The following MGAT5B variants were observed in gnomAD, a reference collection of about 807,000 sequenced individuals.
The protein encoded by MGAT5B is alpha-1,6-mannosylglycoprotein 6-beta-N-acetylglucosaminyltransferase B.
A neutral mutation model predicts 95.1 loss-of-function variants in MGAT5B; 54 were observed. The observed-to-expected ratio is 0.57, with a 90% CI of 0.46 to 0.71. The LOEUF is 0.71. MGAT5B is among the 30% of genes least tolerant of loss of function. MGAT5B has a pLI of 0.00. For missense variants in MGAT5B, 935 were observed against 1,088.6 expected (o/e 0.86, Z 1.99); for synonymous variants, 464 against 451.0 (o/e 1.03, Z -0.36).
chr17:76,934,168 G>A (rs947452892), intron 12 of MGAT5B, among the ~76,000 whole-genome samples: 4 of 152,168 alleles, frequency 2.6e-5, no homozygotes, highest in Non-Finnish European at 4.4e-5. Flanking sequence ...CACCCAAGAC[G>A]CTACTGTTCA....
intron 3 of MGAT5B, among the ~76,000 whole-genome samples, chr17:76,897,489 C>T (rs1385783037): frequency 6.6e-6 from 1 of 152,130 alleles, no homozygotes; most frequent in African/African-American, 2.4e-5. Flanking sequence ...CTTCGTCCCA[C>T]AGATGCATCA....
rs768887782 is a variant in MGAT5B at position 76,932,651 on chromosome 17, C to T, written c.1298C>T (p.Thr433Ile). 2 of 1,613,612 alleles carry T rather than the reference C, an allele frequency of 1.2e-6. No individual in the cohort carries two copies. Among genetic ancestry groups the T allele is most frequent in the Non-Finnish European group, 1.7e-6 (2 of 1,179,668 alleles). The change falls in exon 11 of 18, where the codon ACC becomes ATC. Residue 433 changes from threonine to isoleucine, a missense_variant. Around this residue, in one of 4 missense-constraint regions of MGAT5B, gnomAD observed 440 missense variants for 523.6 expected, o/e 0.84. Coordinates refer to ENST00000569840, the MANE Select transcript of MGAT5B (RefSeq NM_001199172.2). Reference sequence around the variant, plus strand: ...CTGCGTGCTCGGGCTGCAGCTCATACCCCCGACAACTCCTTCATGGGCTTC... The same window carrying T: ...CTGCGTGCTCGGGCTGCAGCTCATATCCCCGACAACTCCTTCATGGGCTTC... Reference protein sequence around the residue: ...PKQFMTMFPHTPDNSFMGFVS... With the variant: ...PKQFMTMFPHIPDNSFMGFVS...
intron 8 of MGAT5B, among the ~76,000 whole-genome samples, chr17:76,913,189 A>G (rs766952154): frequency 4.7e-4 from 72 of 152,272 alleles, no homozygotes; most frequent in Middle Eastern, 3.4e-3. Context: ...CAGGTGCCCA[A>G]AGGAAAGGCT....
chr17:76,882,026 G>T, intron 2 of MGAT5B, 125 bp from the exon 3 acceptor site: 15 of 928,336 alleles, frequency 1.6e-5, no homozygotes, highest in Non-Finnish European at 1.6e-5. Context: ...CTGAGGCTGG[G>T]GTCTGGTGTT....
At position 76,905,095 on chromosome 17, in the gene MGAT5B, C is replaced by G. The variant is rs508628; in HGVS notation, c.691-74C>G. The G allele has an allele frequency of 0.096, 142,245 of 1,484,524 alleles. 8,519 individuals are homozygous for G. The highest frequency in any genetic ancestry group is 0.25 in the Admixed American group (11,772 of 46,588). 92.0% of individuals were successfully genotyped at this position (1,484,524 alleles called of 1,614,324 possible). A position where few individuals can be genotyped will look rare whatever the true frequency, so the allele number is the denominator to read the frequency against. ...CAGCCTCATGGGAGGGTGCCAGCCC[C>G]TGTCCCCAGGCCAGCGGGGAATGAT... On this transcript the variant is annotated intron_variant, in intron 6 of 17. Coordinates refer to ENST00000569840, the MANE Select transcript of MGAT5B (RefSeq NM_001199172.2). This position sits in a 1 kb window ranked among gnomAD's most constrained non-coding sequence, Gnocchi z 4.2.
At chr17:76,887,463 C>G (rs1327230110) in intron 3 of MGAT5B, among the ~76,000 whole-genome samples, 1 of 117,276 alleles carries the variant, frequency 8.5e-6, no homozygotes, top group Admixed American at 8.3e-5. Context: ...TCCTCCCTCC[C>G]TCCCTCCCTT....
chr17:76,872,643 C>A (rs1354800682), intron 1 of MGAT5B: 6 of 1,461,580 alleles, frequency 4.1e-6, no homozygotes, highest in African/African-American at 2.8e-5. Flanking sequence ...TCGTGTGGCT[C>A]GAGGCCAGCA....
rs1039573911 is a variant in MGAT5B at position 76,917,975 on chromosome 17, G to A, written c.1026-6991G>A. 3.3e-5 allele frequency among the ~76,000 whole-genome samples: 5 copies of A among 152,242 alleles called. No homozygotes were observed. The highest frequency in any genetic ancestry group is 9.6e-5 in the African/African-American group (4 of 41,556). On this transcript the variant is annotated intron_variant, in intron 8 of 17. Transcript: ENST00000569840. This position sits in a 1 kb window ranked among gnomAD's most constrained non-coding sequence, Gnocchi z 6.1. ...GGAACGACCGGAGGGCCGAGTTCCC[G>A]TTCCTCTTCCTGCAGCCGTGCTGGC...
At chr17:76,933,410 C>A in intron 12 of MGAT5B, 113 bp downstream of exon 12, 2 of 1,373,948 alleles carry the variant, frequency 1.5e-6, no homozygotes, top group Admixed American at 1.8e-5. Context: ...CTCTCTGGGG[C>A]TTGTGGCTCC....
rs947516765 is a variant in MGAT5B at position 76,912,592 on chromosome 17, G to T, written c.1025+6405G>T. On this transcript the variant is annotated intron_variant, in intron 8 of 17. Coordinates refer to ENST00000569840, the MANE Select transcript of MGAT5B (RefSeq NM_001199172.2). The surrounding 1 kb of genome is among the most constrained non-coding windows in gnomAD (Gnocchi z 5.0). ...TCCTGGCCACTGATGGAGCAACAAG[G>T]CTGGACGGATGAGCCGGTCCCGCTC... Among the ~76,000 whole-genome samples the T allele has an allele frequency of 6.6e-6, 1 of 152,086 alleles. No individual in the cohort carries two copies. Among genetic ancestry groups the T allele is most frequent in the African/African-American group, 2.4e-5 (1 of 41,408 alleles).
chr17:76,902,530 C>T, intron 3 of MGAT5B, 25 bp from the exon 4 acceptor site: 2 of 1,537,980 alleles, frequency 1.3e-6, no homozygotes, highest in Admixed American at 1.9e-5. Context: ...GGTTCTGTGG[C>T]TCACCTCTGG....
intron 3 of MGAT5B, among the ~76,000 whole-genome samples, chr17:76,893,747 G>A (rs1246923524): frequency 6.6e-6 from 1 of 152,204 alleles, no homozygotes; most frequent in Non-Finnish European, 1.5e-5. Context: ...CTTGCCTCCT[G>A]CGGGGAGTGT....
At chr17:76,877,292 T>G (rs1222691916) in intron 2 of MGAT5B, among the ~76,000 whole-genome samples, 1 of 139,448 alleles carries the variant, frequency 7.2e-6, no homozygotes, top group Non-Finnish European at 1.5e-5. Flanking sequence ...GCCACTGCAC[T>G]CCAGCCTGGG....
At chr17:76,891,649 G>C (rs1327629094) in intron 3 of MGAT5B, among the ~76,000 whole-genome samples, 1 of 152,246 alleles carries the variant, frequency 6.6e-6, no homozygotes, top group Non-Finnish European at 1.5e-5. Context: ...CAGAGTGGTG[G>C]GATTACAGGC....
At chr17:76,884,602 ATTT>A (rs11338232) in intron 3 of MGAT5B, among the ~76,000 whole-genome samples, 91 of 125,474 alleles carry the variant, frequency 7.3e-4, no homozygotes, top group African/African-American at 1.8e-3. Context: ...TGCCCAGCTA[ATTT>A]TTTTTTTTTT....
intron 15 of MGAT5B, among the ~76,000 whole-genome samples, chr17:76,945,727 G>T (rs1970008699): frequency 1.3e-5 from 2 of 152,194 alleles, no homozygotes; most frequent in African/African-American, 4.8e-5. Context: ...AATGTCCCAT[G>T]TCTTGGGCAG....
At chr17:76,902,462 T>A in intron 3 of MGAT5B, 93 bp from the exon 4 acceptor site, 1 of 878,910 alleles carries the variant, frequency 1.1e-6, no homozygotes, top group Non-Finnish European at 1.8e-6. Flanking sequence ...TTGCAGAGCC[T>A]GCCGCCTTTG....
intron 9 of MGAT5B, among the ~76,000 whole-genome samples, chr17:76,925,378 C>T (rs1431899168): frequency 6.8e-5 from 10 of 146,176 alleles, no homozygotes; most frequent in Non-Finnish European, 1.2e-4. Context: ...CTACATGGAG[C>T]GGAGCTGAGG....
At position 76,918,780 on chromosome 17, in the gene MGAT5B, C is replaced by T. The variant is rs1034133937; in HGVS notation, c.1026-6186C>T. Among the ~76,000 whole-genome samples the T allele has an allele frequency of 2.6e-5, 4 of 152,146 alleles. No individual in the cohort carries two copies. The highest frequency in any genetic ancestry group is 5.9e-5 in the Non-Finnish European group (4 of 68,020). On this transcript the variant is annotated intron_variant, in intron 8 of 17. Transcript: ENST00000569840. The surrounding 1 kb of genome is among the most constrained non-coding windows in gnomAD (Gnocchi z 5.1). ...CCAGGCTGCCCCAGCTGTGTGTTCC[C>T]CTTGAGAGGCACCCAGTGAAGTTGT...
Sources: allele counts gnomAD v4.1 joint callset (sites outside exome capture counted in the v4.1 genomes callset), GRCh38; gene constraint gnomAD v4.1.1; regional missense constraint gnomAD v4.1.1; non-coding constraint Gnocchi (gnomAD v3.1); transcripts MANE v1.5; gene names NCBI Gene and HGNC (gene_info 2026-07-23, HGNC 2026-07-21).